The following ABRAXAS1 variants were observed in gnomAD, a reference collection of about 807,000 sequenced individuals.
The protein encoded by ABRAXAS1 is abraxas 1, BRCA1 A complex subunit.
A neutral mutation model predicts 38.4 loss-of-function variants in ABRAXAS1; 26 were observed. That is an observed-to-expected ratio of 0.68 (90% CI 0.50 to 0.94). The LOEUF (loss-of-function observed/expected upper bound fraction) is 0.94, where lower values mean the gene tolerates loss of function less well. Among genes scored for constraint, ABRAXAS1 ranks in the 40% least tolerant of loss-of-function variants. ABRAXAS1 has a pLI of 0.00. For synonymous variants in ABRAXAS1, 144 were observed against 165.5 expected, an observed-to-expected ratio of 0.87 and a Z score of 1.00; for missense variants, 438 against 481.9, an observed-to-expected ratio of 0.91 and a Z score of 0.85.
chr4:83,459,952 C>A lies in ABRAXAS1; in HGVS notation c.*2517G>T. The A allele has an allele frequency of 1.7e-6, 1 of 574,964 alleles. No homozygotes were observed. Among genetic ancestry groups the A allele is most frequent in the Non-Finnish European group, 3.0e-6 (1 of 335,934 alleles). The allele number at this position is 574,964 out of a possible 1,614,324, so 35.6% of individuals were successfully genotyped here. A position where few individuals can be genotyped will look rare whatever the true frequency, so the allele number is the denominator to read the frequency against. ...AGAGCTAGTTACTATGAAAAAGTCT[C>A]TTAGGCCAAGAGGATTATTATTTTG... On this transcript the variant is annotated 3_prime_UTR_variant, in exon 9 of 9. Coordinates refer to ENST00000321945, the MANE Select transcript of ABRAXAS1 (RefSeq NM_139076.3).
At position 83,462,388 on chromosome 4, in the gene ABRAXAS1, G is replaced by C. The variant is rs1436590768; in HGVS notation, c.*81C>G. The stretch of plus-strand genomic sequence containing the variant: ...AAAACAAATGAACTTACTGCAAGTA[G>C]CTCAACATAGTAAAAACAATAGAAA... On this transcript the variant is annotated 3_prime_UTR_variant, in exon 9 of 9. Coordinates refer to ENST00000321945, the MANE Select transcript of ABRAXAS1 (RefSeq NM_139076.3). The C allele has an allele frequency of 8.0e-7, 1 of 1,257,016 alleles. No homozygotes were observed. The highest frequency in any genetic ancestry group is 2.3e-5 in the East Asian group (1 of 43,098). 77.9% of individuals were successfully genotyped at this position (1,257,016 alleles called of 1,614,324 possible).
rs879222111 is a variant in ABRAXAS1 at position 83,470,110 on chromosome 4, T to C, written c.476+93A>G. ...TTATCGTGACAATCTGATGCGACAA[T>C]ATATGAGAACACTTTGTAAGCTGCA... On this transcript the variant is annotated intron_variant, in intron 5 of 8. Transcript: ENST00000321945. 5.6e-6 allele frequency: 5 copies of C among 891,964 alleles called. No individual in the cohort carries two copies. In the South Asian group the frequency reaches 8.6e-5, roughly 15 times the overall value. The allele number at this position is 891,964 out of a possible 1,614,324, so 55.3% of individuals were successfully genotyped here.
At chr4:83,484,881 G>T (rs1723126245) in intron 1 of ABRAXAS1, 105 bp downstream of exon 1, 1 of 930,524 alleles carries the variant, frequency 1.1e-6, no homozygotes, top group African/African-American at 1.7e-5. Flanking sequence ...AGGAGGCGCG[G>T]CGGCGTCGGG....
rs904602514 is a variant in ABRAXAS1 at position 83,459,655 on chromosome 4, C to G, written c.*2814G>C. 4 of 1,194,642 alleles carry G rather than the reference C, an allele frequency of 3.3e-6. No homozygotes were observed. The Admixed American group carries it at 6.1e-5, about 18-fold the overall frequency. 74.0% of individuals were successfully genotyped at this position (1,194,642 alleles called of 1,614,324 possible). On this transcript the variant is annotated 3_prime_UTR_variant, in exon 9 of 9. Transcript: ENST00000321945. ...TGAAATTTAGTAAAGCTTTATATAA[C>G]CTGAAGGTTGTTTTTTGAAATTTAC...
In ABRAXAS1 at chr4:83,462,533, T is replaced by G; in HGVS notation, c.1166A>C (p.Glu389Ala). ...CATCTTTTCAATTTCTTCATCTGTT[T>G]CTGGGCTGCTCATTTTGGATGCTTT... ...QDKASKMSSP[E>A]TDEEIEKMKG... The change falls in exon 9 of 9, where the codon GAA becomes GCA. Residue 389 changes from glutamate to alanine, a missense_variant. By Grantham distance (107) the Glu-to-Ala change is moderately radical (BLOSUM62 -1). Coordinates refer to ENST00000321945, the MANE Select transcript of ABRAXAS1 (RefSeq NM_139076.3). 6.2e-7 allele frequency: 1 copy of G among 1,614,180 alleles called. No individual in the cohort carries two copies. The highest frequency in any genetic ancestry group is 1.6e-4 in the Middle Eastern group (1 of 6,062).
intron 1 of ABRAXAS1, 124 bp from the exon 2 acceptor site, chr4:83,482,368 A>G (rs1416943789): frequency 1.9e-6 from 1 of 528,598 alleles, no homozygotes; most frequent in East Asian, 3.2e-5. Flanking sequence ...GCACATATGA[A>G]AGATCTGAGA....
In ABRAXAS1 at chr4:83,480,980, A is replaced by G. The variant is rs537183249; in HGVS notation, c.178+1174T>C. On this transcript the variant is annotated intron_variant, in intron 2 of 8. Transcript: ENST00000321945. The stretch of plus-strand genomic sequence containing the variant: ...ACCCCATCTCTAATAAAAATACAAA[A>G]AGTTAGCCGGGCGTGGCAGCACACG... Among the ~76,000 whole-genome samples the G allele has an allele frequency of 6.6e-5, 10 of 152,116 alleles. No homozygotes were observed. In the East Asian group the frequency reaches 1.9e-3, roughly 29 times the overall value.
chr4:83,483,912 A>T (rs1228077294), intron 1 of ABRAXAS1: 1 of 569,732 alleles, frequency 1.8e-6, no homozygotes, highest in African/African-American at 2.1e-5. Context: ...AGCTACACAT[A>T]TATTTTAAAT....
At chr4:83,478,933 C>G (rs968550391) in intron 2 of ABRAXAS1, 1 of 152,114 alleles carries the variant, frequency 6.6e-6, no homozygotes, top group Admixed American at 6.6e-5. Context: ...CAAAACAGTA[C>G]AAATGCAGCC....
intron 7 of ABRAXAS1, among the ~76,000 whole-genome samples, chr4:83,464,330 C>G (rs983141619): frequency 6.6e-6 from 1 of 152,096 alleles, no homozygotes; most frequent in Non-Finnish European, 1.5e-5. Context: ...AGATTTTTTC[C>G]TGTAAGAGAA....
At chr4:83,463,727 T>G in intron 7 of ABRAXAS1, 119 bp from the exon 8 acceptor site, 1 of 457,464 alleles carries the variant, frequency 2.2e-6, no homozygotes, top group Non-Finnish European at 3.7e-6. Flanking sequence ...CTATTTGCCT[T>G]TTATATAAAT....
chr4:83,485,025 GCCGAGCACAAAGCCCGAGAGCA>G lies in ABRAXAS1; in HGVS notation c.26_47del (p.Val9AlafsTer22), dbSNP rs1553938364. The G allele has an allele frequency of 1.9e-6, 3 of 1,596,146 alleles. No homozygotes were observed. The highest frequency in any genetic ancestry group is 2.6e-6 in the Non-Finnish European group (3 of 1,172,006). Reference sequence around the variant, plus strand: ...TGTTGAGGTGCTGGAAAGCGAGTGCGCCGAGCACAAAGCCCGAGAGCACCGCCGACGTACTCTCCCCCTCCAT... The same window carrying G: ...TGTTGAGGTGCTGGAAAGCGAGTGCGCCGCCGACGTACTCTCCCCCTCCAT... On this transcript the variant is annotated frameshift_variant, in exon 1 of 9. Transcript: ENST00000321945. LOFTEE classifies it high-confidence loss of function.
Position 83,482,173 on chromosome 4 carries a change from A to G in ABRAXAS1, c.159T>C (p.Val53=). 1 of 1,609,440 alleles carries G rather than the reference A, an allele frequency of 6.2e-7. No homozygotes were observed. The highest frequency in any genetic ancestry group is 1.1e-5 in the South Asian group (1 of 90,318). The part of the protein sequence containing the change: ...NSITDSQMDD[V]EVVYTIDIQK... ...ACTCACCAATTGTATAAACAACTTC[A>G]ACATCATCCATTTGGGAATCAGTAA... Residue 53 remains valine, a synonymous_variant, in exon 2 of 9, where the codon GTT becomes GTC. Transcript: ENST00000321945.
rs781160014 is a variant in ABRAXAS1 at position 83,462,740 on chromosome 4, A to G, written c.959T>C (p.Val320Ala). 8.7e-6 allele frequency: 14 copies of G among 1,613,810 alleles called. No individual in the cohort carries two copies. The Admixed American group carries it at 1.3e-4, about 15-fold the overall frequency. ...TTCTACCATTAAGGTCAGATTGTCT[A>G]CTACATCGAGATGGTGGTTGTAGTT... ...SCNYNHHLDVVDNLTLMVEHT... is the reference protein window; with the variant it reads ...SCNYNHHLDVADNLTLMVEHT... The change falls in exon 9 of 9, where the codon GTA becomes GCA. Residue 320 changes from valine (V) to alanine (A), a missense_variant. Around this residue, in one of 3 missense-constraint regions of ABRAXAS1, gnomAD observed 184 missense variants for 181.9 expected, o/e 1.01. Transcript: ENST00000321945.
intron 3 of ABRAXAS1, 68 bp from the exon 4 acceptor site, chr4:83,472,356 A>T: frequency 4.0e-6 from 4 of 988,072 alleles, no homozygotes; most frequent in Non-Finnish European, 5.8e-6. Context: ...TAGTATTTTA[A>T]ATTTTAGTTA....
chr4:83,483,834 CGTTT>C (rs1439230008), intron 1 of ABRAXAS1, among the ~76,000 whole-genome samples: 2 of 152,102 alleles, frequency 1.3e-5, no homozygotes, highest in Non-Finnish European at 2.9e-5. Context: ...AAGGGCTAAT[CGTTT>C]AAGCTACCGA....
intron 3 of ABRAXAS1, among the ~76,000 whole-genome samples, chr4:83,475,577 G>A (rs4693629): frequency 0.36 from 53,989 of 151,966 alleles, 11,290 homozygotes; most frequent in East Asian, 0.67. Flanking sequence ...CCCAGTAGCT[G>A]AGACTACAGA....
At chr4:83,467,698 A>G (rs940178847) in intron 6 of ABRAXAS1, among the ~76,000 whole-genome samples, 160 bp from the exon 7 acceptor site, 5 of 152,232 alleles carry the variant, frequency 3.3e-5, no homozygotes, top group African/African-American at 1.2e-4. Flanking sequence ...AACCAACCAC[A>G]AAACCTACTT....
chr4:83,467,413 T>G (rs1722411676), intron 7 of ABRAXAS1, 41 bp downstream of exon 7: 1 of 1,077,890 alleles, frequency 9.3e-7, no homozygotes, highest in Admixed American at 1.9e-5. Context: ...TGATATGAAC[T>G]CTATCTAGAA....
Sources: gnomAD v4.1 joint callset for allele counts (sites outside exome capture counted in the v4.1 genomes callset) on GRCh38, gnomAD v4.1.1 for gene constraint, gnomAD v4.1.1 regional missense constraint, MANE v1.5 for transcripts, NCBI Gene and HGNC (gene_info 2026-07-23, HGNC 2026-07-21) for gene names.